ROR1: variants seen among roughly 807,000 people sequenced by gnomAD.
ROR1 encodes inactive tyrosine-protein kinase transmembrane receptor ROR1.
A neutral mutation model predicts 78.8 loss-of-function variants in ROR1; 19 were observed. That is an observed-to-expected ratio of 0.24 (90% CI 0.17 to 0.35). The LOEUF is 0.35. Among genes scored for constraint, ROR1 ranks in the 10% least tolerant of loss-of-function variants. ROR1 has a pLI of 1.00. For missense variants in ROR1, 917 were observed against 1,177.8 expected (o/e 0.78, Z 3.24); for synonymous variants, 386 against 433.6 (o/e 0.89, Z 1.36).
chr1:64,165,863 C>A (rs1029692852), intron 8 of ROR1, among the ~76,000 whole-genome samples: 1 of 151,898 alleles, frequency 6.6e-6, no homozygotes, highest in South Asian at 2.1e-4. Context: ...TACCACCACA[C>A]GTGGCTAATT....
At chr1:63,858,754 A>G (rs980969311) in intron 1 of ROR1, among the ~76,000 whole-genome samples, 1 of 152,008 alleles carries the variant, frequency 6.6e-6, no homozygotes, top group Non-Finnish European at 1.5e-5. Context: ...GCTAATTAAG[A>G]TATTTATTCT....
At chr1:64,043,629 A>G (rs1035524995) in intron 2 of ROR1, among the ~76,000 whole-genome samples, 3 of 152,186 alleles carry the variant, frequency 2.0e-5, no homozygotes, top group Non-Finnish European at 2.9e-5. Flanking sequence ...TAAAAAGGCA[A>G]GAATATTTTT....
intron 7 of ROR1, among the ~76,000 whole-genome samples, chr1:64,144,551 A>G (rs1243229988): frequency 1.3e-5 from 2 of 152,244 alleles, no homozygotes; most frequent in African/African-American, 4.8e-5. Flanking sequence ...ACCATGTGCC[A>G]GATCCTATGT....
At chr1:63,855,759 C>T (rs866402314) in intron 1 of ROR1, among the ~76,000 whole-genome samples, 2 of 152,028 alleles carry the variant, frequency 1.3e-5, no homozygotes, top group Middle Eastern at 3.4e-3. Context: ...AGTGATTCTC[C>T]TGCCTCAGCC....
At position 64,031,497 on chromosome 1, in the gene ROR1, C is replaced by T. The variant is rs905358808; in HGVS notation, c.164-18194C>T. 3.3e-5 allele frequency among the ~76,000 whole-genome samples: 5 copies of T among 152,180 alleles called. No individual in the cohort carries two copies. The East Asian group carries it at 9.6e-4, about 29-fold the overall frequency. ...TGATTCATGTGTGAAAATGTCTCCC[C>T]CAAAAGAATTTGGGTCATCTTGTTC... is the stretch of plus-strand genomic sequence containing the variant. On this transcript the variant is annotated intron_variant, in intron 2 of 8. Transcript: ENST00000371079.
At chr1:63,812,123 G>A (rs1256264315) in intron 1 of ROR1, among the ~76,000 whole-genome samples, 1 of 152,060 alleles carries the variant, frequency 6.6e-6, no homozygotes, top group Non-Finnish European at 1.5e-5. Context: ...GCCACGCCTG[G>A]CTAATTTTTT....
chr1:63,937,316 C>G (rs546025788), intron 1 of ROR1, among the ~76,000 whole-genome samples: 1 of 152,298 alleles, frequency 6.6e-6, no homozygotes, highest in Admixed American at 6.5e-5. Context: ...ACTCCCTGTT[C>G]TGAATTGAGA....
chr1:63,912,525 AG>A (rs1453468023), intron 1 of ROR1, among the ~76,000 whole-genome samples: 1 of 152,112 alleles, frequency 6.6e-6, no homozygotes. Context: ...GTTCTTCAGG[AG>A]GGGTAGGAAG....
chr1:63,996,543 T>C (rs1371322131), intron 1 of ROR1, among the ~76,000 whole-genome samples: 1 of 152,228 alleles, frequency 6.6e-6, no homozygotes, highest in Admixed American at 6.5e-5. Context: ...TCTTGCAGGA[T>C]GATAGTAATC....
At chr1:63,843,711 G>A in intron 1 of ROR1, 2 of 479,630 alleles carry the variant, frequency 4.2e-6, no homozygotes, top group South Asian at 1.8e-5. Context: ...AAAGGAGAGG[G>A]CATGGAGAGC....
intron 1 of ROR1, among the ~76,000 whole-genome samples, chr1:63,944,327 A>G (rs1331526207): frequency 6.6e-6 from 1 of 152,226 alleles, no homozygotes; most frequent in African/African-American, 2.4e-5. Context: ...TCACAAAAAA[A>G]GGAAGAAGAA....
At chr1:63,797,129 C>T (rs574466236) in intron 1 of ROR1, among the ~76,000 whole-genome samples, 16 of 152,126 alleles carry the variant, frequency 1.1e-4, no homozygotes, top group East Asian at 3.9e-4. Flanking sequence ...TGGAAGAGGG[C>T]GTAATAATTA....
intron 4 of ROR1, among the ~76,000 whole-genome samples, chr1:64,107,448 C>T (rs1647869522): frequency 1.3e-5 from 2 of 152,166 alleles, no homozygotes; most frequent in African/African-American, 2.4e-5. Context: ...AGAGTTTTCA[C>T]AGGGTAATCA....
chr1:63,965,991 G>A (rs1036753652), intron 1 of ROR1, among the ~76,000 whole-genome samples: 1 of 152,132 alleles, frequency 6.6e-6, no homozygotes, highest in African/African-American at 2.4e-5. Flanking sequence ...GTGGGGATAG[G>A]ACTGTTACTG....
At chr1:63,997,291 G>C (rs1646344797) in intron 1 of ROR1, among the ~76,000 whole-genome samples, 1 of 152,176 alleles carries the variant, frequency 6.6e-6, no homozygotes, top group Non-Finnish European at 1.5e-5. Context: ...GAAAGGCTAA[G>C]ACAATACTAC....
chr1:63,868,433 G>A (rs1462707677), intron 1 of ROR1, among the ~76,000 whole-genome samples: 1 of 152,186 alleles, frequency 6.6e-6, no homozygotes, highest in African/African-American at 2.4e-5. Context: ...GCAGGATGCA[G>A]AGCAAAGAGC....
chr1:64,118,632 C>CAAAAA (rs3084938), intron 4 of ROR1, among the ~76,000 whole-genome samples: 16 of 65,846 alleles, frequency 2.4e-4, no homozygotes, highest in African/African-American at 6.8e-4. Flanking sequence ...GACTCCATCT[C>CAAAAA]AAAAAAAAAA....
At chr1:64,153,935 G>C (rs1649699849) in intron 7 of ROR1, among the ~76,000 whole-genome samples, 1 of 152,098 alleles carries the variant, frequency 6.6e-6, no homozygotes, top group African/African-American at 2.4e-5. Context: ...TATTAAAAAA[G>C]ATTAGCCCAA....
intron 7 of ROR1, among the ~76,000 whole-genome samples, chr1:64,146,507 C>T (rs1232608342): frequency 6.6e-6 from 1 of 152,050 alleles, no homozygotes; most frequent in African/African-American, 2.4e-5. Flanking sequence ...AAAAGAAAAG[C>T]ATTATTTGTT....
Sources: allele counts gnomAD v4.1 joint callset (sites outside exome capture counted in the v4.1 genomes callset), GRCh38; gene constraint gnomAD v4.1.1; transcripts MANE v1.5; gene names NCBI Gene and HGNC (gene_info 2026-07-23, HGNC 2026-07-21).